Variants in SH2B1 observed in about 807,000 individuals in gnomAD.
SH2B1 encodes the protein SH2B adaptor protein 1.
SH2B1 carries 15 observed loss-of-function variants against 62.6 expected under a neutral mutation model. That is an observed-to-expected ratio of 0.24 (90% CI 0.16 to 0.37). The LOEUF (loss-of-function observed/expected upper bound fraction) is 0.37. Ranked by LOEUF, SH2B1 falls within the 10% of genes least tolerant of loss-of-function variation. The pLI, the probability that SH2B1 is intolerant of heterozygous loss-of-function variation, is 1.00. For missense variants in SH2B1, 925 were observed against 1,015.6 expected, an observed-to-expected ratio of 0.91 and a Z score of 1.21; for synonymous variants, 443 against 438.0, an observed-to-expected ratio of 1.01 and a Z score of -0.14.
chr16:28,868,482 G>A (rs138322017), intron 2 of SH2B1, among the ~76,000 whole-genome samples: 1,907 of 150,268 alleles, frequency 0.013, 33 homozygotes, highest in African/African-American at 0.038. Flanking sequence ...TTTTTGAGAC[G>A]GCATTTTACT....
At chr16:28,850,372 A>G (rs968195413) in intron 1 of SH2B1, among the ~76,000 whole-genome samples, 1 of 152,208 alleles carries the variant, frequency 6.6e-6, no homozygotes, top group Non-Finnish European at 1.5e-5. Context: ...CAGCCTGGGC[A>G]AAATAGTGAG....
chr16:28,851,254 G>A (rs1489225402), intron 1 of SH2B1, among the ~76,000 whole-genome samples: 1 of 150,948 alleles, frequency 6.6e-6, no homozygotes, highest in East Asian at 1.9e-4. Context: ...TGAACGTGGG[G>A]CACCACTGTT....
At chr16:28,867,230 A>C in intron 1 of SH2B1, 101 bp from the exon 2 acceptor site, 1 of 1,248,996 alleles carries the variant, frequency 8.0e-7, no homozygotes, top group Non-Finnish European at 1.2e-6. Context: ...CCTTTTGTCT[A>C]ACTTCCCGAG....
rs1474013292 is a variant in SH2B1 at position 28,852,780 on chromosome 16, ATT to A, written c.-301+5955_-301+5956del. On this transcript the variant is annotated intron_variant, in intron 1 of 10. Coordinates refer to the SH2B1 transcript ENST00000322610. ...TATGTATATATATATTTATATATAT[ATT>A]TACATATATATTTACATATATATTT... Among the ~76,000 whole-genome samples, 23 of 73,948 alleles carry A rather than the reference ATT, an allele frequency of 3.1e-4. 1 individual carries two copies. Among genetic ancestry groups the A allele is most frequent in the Admixed American group, 2.8e-3 (11 of 3,878 alleles). The allele number at this position is 73,948 out of a possible 152,430, so 48.5% of individuals were successfully genotyped here.
In SH2B1 at chr16:28,872,579, C is replaced by T; in HGVS notation, c.1771C>T (p.His591Tyr). The T allele has an allele frequency of 4.3e-6, 7 of 1,614,182 alleles. No homozygotes were observed. Among genetic ancestry groups the T allele is most frequent in the Non-Finnish European group, 5.9e-6 (7 of 1,180,010 alleles). The change falls in exon 7 of 8, where the codon CAC becomes TAC. Residue 591 changes from histidine to tyrosine, a missense_variant. By Grantham distance (83) the His-to-Tyr change is moderately conservative. Coordinates refer to ENST00000684370, the MANE Select transcript of SH2B1 (RefSeq NM_001387430.1). The surrounding 1 kb of genome is among the most constrained non-coding windows in gnomAD (Gnocchi z 5.3). ...CGAGGAGGGTCAGTGCCGGGTCCAG[C>T]ACCTGTGGTTCCAGTCCATTTTCGA... ...LNEEGQCRVQ[H>Y]LWFQSIFDML...
At position 28,866,881 on chromosome 16, in the gene SH2B1, C is replaced by A. The variant is rs199996405; in HGVS notation, c.787C>A (p.Pro263Thr). The A allele has an allele frequency of 3.1e-4, 507 of 1,611,326 alleles. 4 individuals are homozygous for A. The highest frequency in any genetic ancestry group is 1.0e-4 in the Admixed American group (6 of 59,854). ...TTTCATGGGGGCTGAGGAGGCAGCC[C>A]CTGACCCAGCCGGAGTGGGCCGGGG... ...LSFMGAEEAA[P>T]DPAGVGRGGG... The change falls in exon 1 of 8, where the codon CCT (proline) becomes ACT (threonine). Residue 263 changes from proline to threonine, a missense_variant. Coordinates refer to ENST00000684370, the MANE Select transcript of SH2B1 (RefSeq NM_001387430.1). The surrounding 1 kb of genome is among the most constrained non-coding windows in gnomAD (Gnocchi z 6.3).
rs1302513137 is a variant in SH2B1, at chr16:28,852,749, C to CAT, written c.-301+5929_-301+5930dup. On this transcript the variant is annotated intron_variant, in intron 1 of 10. Transcript: ENST00000322610. ...TTATATATATACATATATATATTTA[C>CAT]ATATATATGTATATATATATTTATA... 1.6e-4 allele frequency among the ~76,000 whole-genome samples: 6 copies of CAT among 37,608 alleles called. 1 individual carries two copies. Among genetic ancestry groups the CAT allele is most frequent in the Admixed American group, 1.1e-3 (2 of 1,828 alleles). The allele number at this position is 37,608 out of a possible 152,430, so 24.7% of individuals were successfully genotyped here. A position where few individuals can be genotyped will look rare whatever the true frequency, so the allele number is the denominator to read the frequency against.
Position 28,863,868 on chromosome 16 carries a change from A to C in SH2B1, c.-2227A>C. The C allele has an allele frequency of 1.3e-6, 2 of 1,523,026 alleles. No individual in the cohort carries two copies. Among genetic ancestry groups the C allele is most frequent in the Non-Finnish European group, 8.8e-7 (1 of 1,140,744 alleles). The allele number at this position is 1,523,026 out of a possible 1,614,324, so 94.3% of individuals were successfully genotyped here. A position where few individuals can be genotyped will look rare whatever the true frequency, so the allele number is the denominator to read the frequency against. The stretch of plus-strand genomic sequence containing the variant: ...GAACCGGGCTGGGCGCTCGTCGCGT[A>C]GTGGGTGGGGGCGCAGGGAGCGGGA... On this transcript the variant is annotated 5_prime_UTR_variant, in exon 1 of 8. Transcript: ENST00000684370.
At chr16:28,847,171 G>A (rs1480453672) in intron 1 of SH2B1, among the ~76,000 whole-genome samples, 3 of 152,230 alleles carry the variant, frequency 2.0e-5, no homozygotes, top group Non-Finnish European at 4.4e-5. Context: ...AGCCAAGGAT[G>A]AGGAGCCAGC....
intron 4 of SH2B1, among the ~76,000 whole-genome samples, chr16:28,869,664 G>A (rs1414238229): frequency 6.6e-6 from 1 of 152,170 alleles, no homozygotes; most frequent in Non-Finnish European, 1.5e-5. Flanking sequence ...CCACCGCTCT[G>A]GCTGGAAATA....
At chr16:28,871,458 C>T (rs1963030384) in intron 4 of SH2B1, among the ~76,000 whole-genome samples, 1 of 152,194 alleles carries the variant, frequency 6.6e-6, no homozygotes, top group Non-Finnish European at 1.5e-5. Context: ...GAGACCCCTT[C>T]TCTACAAAAA....
chr16:28,865,413 C>T lies in SH2B1; in HGVS notation c.-682C>T, dbSNP rs964689230. 1.1e-5 allele frequency: 11 copies of T among 985,466 alleles called. No homozygotes were observed. The highest frequency in any genetic ancestry group is 5.2e-4 in the Middle Eastern group (1 of 1,936). 61.0% of individuals were successfully genotyped at this position (985,466 alleles called of 1,614,324 possible). On this transcript the variant is annotated 5_prime_UTR_variant, in exon 1 of 8. Coordinates refer to ENST00000684370, the MANE Select transcript of SH2B1 (RefSeq NM_001387430.1). ...CTCCAAAGAGTTGGACCCTAAGATG[C>T]GTGAGGCAGGCTCTCTAAGGTCTAG...
chr16:28,873,682 C>G lies in SH2B1; in HGVS notation c.2133C>G (p.Gly711=), dbSNP rs772324608. 13 of 1,520,732 alleles carry G rather than the reference C, an allele frequency of 8.5e-6. No homozygotes were observed. The highest frequency in any genetic ancestry group is 2.7e-6 in the Non-Finnish European group (3 of 1,131,914). 94.2% of individuals were successfully genotyped at this position (1,520,732 alleles called of 1,614,324 possible). A position where few individuals can be genotyped will look rare whatever the true frequency, so the allele number is the denominator to read the frequency against. The change falls in exon 8 of 8, where the codon GGC becomes GGG. Residue 711 remains glycine, a synonymous_variant. Transcript: ENST00000684370. The surrounding 1 kb of genome is among the most constrained non-coding windows in gnomAD (Gnocchi z 4.2). ...VVELEEAIAP[G]SEAQGAGSGG... ...AATTGGAAGAGGCCATAGCCCCAGG[C>G]TCAGAGGCCCAGGGCGCTGGGTCTG...
intron 1 of SH2B1, among the ~76,000 whole-genome samples, chr16:28,858,325 C>T (rs1362658068): frequency 6.6e-6 from 1 of 151,832 alleles, no homozygotes. Context: ...GCAGCCTGGC[C>T]AACGTGGTGA....
intron 1 of SH2B1, among the ~76,000 whole-genome samples, chr16:28,853,518 T>G (rs1445522395): frequency 7.8e-6 from 1 of 127,820 alleles, no homozygotes; most frequent in Non-Finnish European, 1.8e-5. Context: ...CCACCCCACT[T>G]TTTCTTTTTT....
rs1596619713 is a variant in SH2B1, at chr16:28,864,324, C to T, written c.-1771C>T. On this transcript the variant is annotated 5_prime_UTR_variant, in exon 1 of 8. Coordinates refer to ENST00000684370, the MANE Select transcript of SH2B1 (RefSeq NM_001387430.1). The stretch of plus-strand genomic sequence containing the variant: ...GGCAGAAGAGAAACTGAGTCACCAG[C>T]TTAGGAGTCGCAGGGTCAGCGGGCC... 3.0e-6 allele frequency: 3 copies of T among 993,406 alleles called. No homozygotes were observed. Among genetic ancestry groups the T allele is most frequent in the African/African-American group, 3.5e-5 (2 of 57,394 alleles). The allele number at this position is 993,406 out of a possible 1,614,324, so 61.5% of individuals were successfully genotyped here.
intron 4 of SH2B1, among the ~76,000 whole-genome samples, chr16:28,869,812 C>T (rs773008737): frequency 3.9e-5 from 6 of 152,168 alleles, no homozygotes; most frequent in Non-Finnish European, 5.9e-5. Flanking sequence ...CACACATACC[C>T]GACCCACACA....
chr16:28,863,868 A>G lies in SH2B1; in HGVS notation c.-2227A>G. 1 of 1,523,026 alleles carries G rather than the reference A, an allele frequency of 6.6e-7. No individual in the cohort carries two copies. The highest frequency in any genetic ancestry group is 8.8e-7 in the Non-Finnish European group (1 of 1,140,744). 94.3% of individuals were successfully genotyped at this position (1,523,026 alleles called of 1,614,324 possible). A position where few individuals can be genotyped will look rare whatever the true frequency, so the allele number is the denominator to read the frequency against. ...GAACCGGGCTGGGCGCTCGTCGCGT[A>G]GTGGGTGGGGGCGCAGGGAGCGGGA... On this transcript the variant is annotated 5_prime_UTR_variant, in exon 1 of 8. Transcript: ENST00000684370.
chr16:28,865,668 T>C lies in SH2B1; in HGVS notation c.-427T>C. 1.0e-6 allele frequency: 1 copy of C among 995,890 alleles called. No homozygotes were observed. The highest frequency in any genetic ancestry group is 1.2e-6 in the Non-Finnish European group (1 of 837,688). The allele number at this position is 995,890 out of a possible 1,614,324, so 61.7% of individuals were successfully genotyped here. A position where few individuals can be genotyped will look rare whatever the true frequency, so the allele number is the denominator to read the frequency against. ...AGCCTCTAGAATGGCTCATGGGAAG[T>C]GTGACATGAATATTGGAGGATCCGA... is the stretch of plus-strand genomic sequence containing the variant. On this transcript the variant is annotated 5_prime_UTR_variant, in exon 1 of 8. Coordinates refer to ENST00000684370, the MANE Select transcript of SH2B1 (RefSeq NM_001387430.1).
Sources: allele counts gnomAD v4.1 joint callset (sites outside exome capture counted in the v4.1 genomes callset), GRCh38; gene constraint gnomAD v4.1.1; non-coding constraint Gnocchi (gnomAD v3.1); transcripts MANE v1.5; gene names NCBI Gene and HGNC (gene_info 2026-07-23, HGNC 2026-07-21).